DAB1: variants seen among roughly 807,000 people sequenced by gnomAD.
DAB1 encodes DAB adaptor protein 1, also known as disabled homolog 1.
Under a neutral mutation model 64.6 loss-of-function variants are expected in DAB1, and 15 were observed. The observed-to-expected ratio is 0.23, with a 90% CI of 0.16 to 0.36. DAB1 has a LOEUF of 0.36. DAB1 is among the 10% of genes least tolerant of loss of function. The probability of loss-of-function intolerance (pLI) is 1.00; values close to 1 mark genes in which losing one functional copy is unlikely to be tolerated. For synonymous variants in DAB1, 235 were observed against 251.9 expected (o/e 0.93, Z 0.64); for missense variants, 596 against 706.7 (o/e 0.84, Z 1.78).
intron 5 of DAB1, among the ~76,000 whole-genome samples, chr1:58,095,266 A>C (rs1282241133): frequency 1.3e-5 from 2 of 152,108 alleles, no homozygotes; most frequent in Non-Finnish European, 2.9e-5. Flanking sequence ...GGAATCGGAA[A>C]CTCTAATTTT....
chr1:57,035,833 CTTTTTTTTTTTT>C (rs35389635), intron 9 of DAB1, among the ~76,000 whole-genome samples: 82 of 61,916 alleles, frequency 1.3e-3, no homozygotes, highest in African/African-American at 4.8e-3. Flanking sequence ...CGCACATGCA[CTTTTTTTTTTTT>C]TTTTTTTTTT....
chr1:58,002,733 A>G (rs1165747004), intron 5 of DAB1, among the ~76,000 whole-genome samples: 1 of 152,186 alleles, frequency 6.6e-6, no homozygotes, highest in Non-Finnish European at 1.5e-5. Context: ...AAATAAACTA[A>G]TGACTTGATA....
chr1:57,922,133 C>A (rs1328718639), intron 5 of DAB1, among the ~76,000 whole-genome samples: 1 of 152,146 alleles, frequency 6.6e-6, no homozygotes, highest in African/African-American at 2.4e-5. Flanking sequence ...GGTAATATTC[C>A]CCTCCTGACA....
intron 3 of DAB1, among the ~76,000 whole-genome samples, chr1:58,458,002 C>T (rs1005248171): frequency 1.3e-5 from 2 of 152,194 alleles, no homozygotes; most frequent in Admixed American, 6.5e-5. Flanking sequence ...TTACAAGTAA[C>T]TCATTTATGT....
intron 9 of DAB1, among the ~76,000 whole-genome samples, chr1:57,026,248 A>G (rs1646783307): frequency 6.6e-6 from 1 of 152,212 alleles, no homozygotes; most frequent in African/African-American, 2.4e-5. Context: ...GCTTCCTTGC[A>G]TCTGGCTATT....
At chr1:57,436,391 G>A (rs2101123861) in intron 7 of DAB1, among the ~76,000 whole-genome samples, 1 of 152,254 alleles carries the variant, frequency 6.6e-6, no homozygotes, top group East Asian at 1.9e-4. Flanking sequence ...CTTAAGAGCT[G>A]CGCGTTTCAA....
chr1:58,175,583 C>A (rs1240770972), intron 4 of DAB1, among the ~76,000 whole-genome samples: 2 of 152,184 alleles, frequency 1.3e-5, no homozygotes, highest in African/African-American at 4.8e-5. Flanking sequence ...TGTTCATACT[C>A]TTTTTGCATG....
chr1:57,873,130 A>C (rs1270842950), intron 1 of DAB1, among the ~76,000 whole-genome samples: 1 of 152,096 alleles, frequency 6.6e-6, no homozygotes, highest in African/African-American at 2.4e-5. Context: ...CTTAGGTGTC[A>C]AGCTAAGGAG....
At chr1:58,504,410 T>C (rs1645954291) in intron 3 of DAB1, among the ~76,000 whole-genome samples, 1 of 152,208 alleles carries the variant, frequency 6.6e-6, no homozygotes, top group African/African-American at 2.4e-5. Context: ...CTTGCTCCCG[T>C]GCTTCCTTCC....
At chr1:57,637,618 G>A (rs1646072990) in intron 7 of DAB1, among the ~76,000 whole-genome samples, 1 of 152,190 alleles carries the variant, frequency 6.6e-6, no homozygotes, top group South Asian at 2.1e-4. Flanking sequence ...ACAGGATGCT[G>A]AGACTTAGAC....
At chr1:57,887,315 C>A (rs1421821783), upstream of DAB1, among the ~76,000 whole-genome samples, 2 of 152,148 alleles carry the variant, frequency 1.3e-5, no homozygotes, top group East Asian at 3.9e-4. Flanking sequence ...GGGACTATAT[C>A]TTAATCCCTA....
At chr1:58,363,179 A>G (rs1644183486) in intron 3 of DAB1, among the ~76,000 whole-genome samples, 1 of 152,202 alleles carries the variant, frequency 6.6e-6, no homozygotes. Flanking sequence ...CAATATATGA[A>G]TTTGGGTTTG....
chr1:57,113,992 GT>G (rs1187452105), intron 4 of DAB1, among the ~76,000 whole-genome samples: 1 of 152,190 alleles, frequency 6.6e-6, no homozygotes, highest in Non-Finnish European at 1.5e-5. Flanking sequence ...CTTCCCTGCT[GT>G]TTTTGGTGAT....
chr1:57,905,509 C>T lies in DAB1; in HGVS notation n.388-21347G>A, dbSNP rs72920610. On this transcript the variant is annotated intron_variant and non_coding_transcript_variant, in intron 5 of 20. Coordinates refer to the DAB1 transcript ENST00000485760. ...GTGGATTGGTGGTGTGTTAATGTGC[C>T]AAGATAGGGACAGGTAGGAGAGAAA... Among the ~76,000 whole-genome samples, 898 of 152,108 alleles carry T rather than the reference C, an allele frequency of 5.9e-3. 12 individuals carry two copies. The highest frequency in any genetic ancestry group is 0.02 in the African/African-American group (848 of 41,514).
At chr1:57,649,635 G>A (rs1442121661) in exon 7 of DAB1, 1 of 152,178 alleles carries the variant, frequency 6.6e-6, no homozygotes, top group Admixed American at 6.5e-5. Context: ...AAGACTGAGA[G>A]TCAGGGCTCA....
chr1:57,440,069 A>G lies in DAB1; in HGVS notation n.626-148903T>C, dbSNP rs181628216. On this transcript the variant is annotated intron_variant and non_coding_transcript_variant, in intron 7 of 20. Transcript: ENST00000485760. The stretch of plus-strand genomic sequence containing the variant: ...TGTTTGCCTCCATTACTTTGCTCAT[A>G]CTGTTTCCTCCTCTAGGCTTTTTCT... Among the ~76,000 whole-genome samples the G allele has an allele frequency of 3.3e-5, 5 of 152,270 alleles. No individual in the cohort carries two copies. The East Asian group carries it at 9.7e-4, about 29-fold the overall frequency.
rs115488786 is a variant in DAB1, at chr1:58,176,640, T to C, written n.310-26052A>G. Among the ~76,000 whole-genome samples the C allele has an allele frequency of 2.6e-3, 391 of 152,256 alleles. 3 individuals carry two copies. Among genetic ancestry groups the C allele is most frequent in the African/African-American group, 9.1e-3 (380 of 41,544 alleles). ...ACTCAGCCTTTTATAACAGCATTAA[T>C]TCCACCAATGAGGGCAGAACTCTCA... is the stretch of plus-strand genomic sequence containing the variant. On this transcript the variant is annotated intron_variant and non_coding_transcript_variant, in intron 4 of 20. Coordinates refer to the DAB1 transcript ENST00000485760.
At chr1:57,020,646 A>C (rs945021277) in intron 11 of DAB1, among the ~76,000 whole-genome samples, 6 of 152,226 alleles carry the variant, frequency 3.9e-5, no homozygotes, top group Non-Finnish European at 1.5e-5. Flanking sequence ...ATATTCATCT[A>C]CTGTAGAAAT....
At chr1:57,482,476 G>GA (rs1644034190) in intron 7 of DAB1, among the ~76,000 whole-genome samples, 1 of 58,620 alleles carries the variant, frequency 1.7e-5, no homozygotes, top group Non-Finnish European at 2.9e-5. Context: ...GCTGAAAGTT[G>GA]TAAAAAAAAA....
Sources: gnomAD v4.1 joint callset for allele counts (sites outside exome capture counted in the v4.1 genomes callset) on GRCh38, gnomAD v4.1.1 for gene constraint, MANE v1.5 for transcripts, NCBI Gene and HGNC (gene_info 2026-07-23, HGNC 2026-07-21) for gene names.